CHD4: variants seen among roughly 807,000 people sequenced by gnomAD.
CHD4 encodes ATP-dependent chromatin remodeler CHD4.
CHD4 carries 35 observed loss-of-function variants against 235.5 expected under a neutral mutation model. The ratio of observed to expected loss-of-function variants is 0.15; its 90% CI spans 0.11 to 0.20. The LOEUF (loss-of-function observed/expected upper bound fraction) is 0.20. Among genes scored for constraint, CHD4 ranks in the 10% least tolerant of loss-of-function variants. The pLI, the probability that CHD4 is intolerant of heterozygous loss-of-function variation, is 1.00. For synonymous variants in CHD4, 900 were observed against 850.2 expected (o/e 1.06, Z -1.02); for missense variants, 1,329 against 2,432.3 (o/e 0.55, Z 9.54).
At position 6,582,350 on chromosome 12, in the gene CHD4, C is replaced by G. The variant is rs898591886; in HGVS notation, c.4371-69G>C. Reference sequence around the variant, plus strand: ...ACTCTTAGATTCTTTTCCATCCCTTCGTGAGGCATTATCACAGGCAATAAC... The same window carrying G: ...ACTCTTAGATTCTTTTCCATCCCTTGGTGAGGCATTATCACAGGCAATAAC... On this transcript the variant is annotated intron_variant, in intron 29 of 39. Transcript: ENST00000544040. 36 of 1,487,880 alleles carry G rather than the reference C, an allele frequency of 2.4e-5. No individual in the cohort carries two copies. In the Admixed American group the frequency reaches 7.4e-4, roughly 31 times the overall value. The allele number at this position is 1,487,880 out of a possible 1,614,324, so 92.2% of individuals were successfully genotyped here.
chr12:6,588,175 CA>C, intron 23 of CHD4, 122 bp downstream of exon 23: 2 of 1,343,070 alleles, frequency 1.5e-6, no homozygotes, highest in South Asian at 1.4e-5. Context: ...GTAAACAACA[CA>C]AAAAGAATCT....
chr12:6,578,679 A>G, intron 34 of CHD4, 133 bp from the exon 35 acceptor site: 2 of 1,454,702 alleles, frequency 1.4e-6, no homozygotes, highest in Non-Finnish European at 1.9e-6. Flanking sequence ...TCAGACCCAG[A>G]AAATGGTGCC....
At chr12:6,576,709 G>A (rs1355644246) in intron 37 of CHD4, among the ~76,000 whole-genome samples, 2 of 152,094 alleles carry the variant, frequency 1.3e-5, no homozygotes, top group Admixed American at 6.5e-5. Flanking sequence ...GGGTTCAAGC[G>A]ATTCTGGAGA....
intron 38 of CHD4, chr12:6,571,307 C>T (rs970919382): frequency 5.1e-5 from 19 of 369,912 alleles, no homozygotes; most frequent in East Asian, 3.2e-4. Flanking sequence ...TTTTTCTCTT[C>T]TCTACCTTCA....
At chr12:6,576,162 T>C (rs1296121769) in intron 37 of CHD4, among the ~76,000 whole-genome samples, 1 of 151,902 alleles carries the variant, frequency 6.6e-6, no homozygotes, top group Non-Finnish European at 1.5e-5. Flanking sequence ...ATCGAGACCA[T>C]CCTGGCCAAC....
At chr12:6,580,704 G>GAAA (rs57266458) in intron 33 of CHD4, 10 of 43,448 alleles carry the variant, frequency 2.3e-4, no homozygotes, top group South Asian at 1.4e-3. Flanking sequence ...AAACTCCTTT[G>GAAA]AAAAAAAAAA....
chr12:6,597,288 AAAAT>A (rs1054418626), intron 12 of CHD4, among the ~76,000 whole-genome samples: 6 of 151,384 alleles, frequency 4.0e-5, no homozygotes, highest in African/African-American at 1.5e-4. Context: ...CAATAATAAT[AAAAT>A]AAATAAATAA....
chr12:6,604,852 C>T (rs1345187991), intron 2 of CHD4, among the ~76,000 whole-genome samples: 1 of 152,156 alleles, frequency 6.6e-6, no homozygotes, highest in East Asian at 1.9e-4. Flanking sequence ...TGAAAGGCAG[C>T]CCCAGCCCAA....
intron 23 of CHD4, 36 bp downstream of exon 23, chr12:6,588,262 T>A (rs910608787): frequency 6.2e-7 from 1 of 1,607,714 alleles, no homozygotes; most frequent in Admixed American, 1.7e-5. Flanking sequence ...TAGCATAACA[T>A]GTTACTTATT....
intron 28 of CHD4, 34 bp downstream of exon 28, chr12:6,582,814 C>T: frequency 6.2e-7 from 1 of 1,613,976 alleles, no homozygotes; most frequent in Non-Finnish European, 8.5e-7. Context: ...CAATATCTGA[C>T]ACTCACCCCT....
At chr12:6,583,485 C>T (rs1320082873) in intron 25 of CHD4, 107 bp from the exon 26 acceptor site, 8 of 959,646 alleles carry the variant, frequency 8.3e-6, no homozygotes, top group Admixed American at 2.4e-5. Flanking sequence ...TGACTGGACT[C>T]TTAAATACTT....
chr12:6,588,181 G>T (rs553071812), intron 23 of CHD4, 117 bp downstream of exon 23: 3 of 1,354,804 alleles, frequency 2.2e-6, no homozygotes, highest in Non-Finnish European at 1.0e-6. Flanking sequence ...AACACAAAAA[G>T]AATCTGTTGT....
At chr12:6,589,171 G>A (rs1332675703) in intron 22 of CHD4, among the ~76,000 whole-genome samples, 5 of 152,022 alleles carry the variant, frequency 3.3e-5, no homozygotes, top group Non-Finnish European at 7.4e-5. Context: ...CTTGAACCCG[G>A]GAGGCAGAAG....
At chr12:6,592,112 T>A in intron 19 of CHD4, 55 bp from the exon 20 acceptor site, 1 of 1,599,600 alleles carries the variant, frequency 6.3e-7, no homozygotes, top group East Asian at 2.2e-5. Context: ...CAATGACTAA[T>A]AATGCAGTGC....
chr12:6,572,911 T>A (rs1369532766), intron 38 of CHD4, 163 bp downstream of exon 38: 1 of 636,884 alleles, frequency 1.6e-6, no homozygotes, highest in Non-Finnish European at 2.6e-6. Context: ...CTGTCCTTGA[T>A]TGCCTCTAAG....
intron 33 of CHD4, among the ~76,000 whole-genome samples, chr12:6,579,864 A>G (rs536251564): frequency 6.6e-6 from 1 of 151,434 alleles, no homozygotes; most frequent in East Asian, 2.0e-4. Context: ...AGACCATCCT[A>G]GCTAACACGG....
chr12:6,585,521 A>T (rs1432972639), intron 25 of CHD4, among the ~76,000 whole-genome samples: 2 of 151,738 alleles, frequency 1.3e-5, no homozygotes, highest in East Asian at 2.0e-4. Context: ...TGACCTCGTG[A>T]TCCACCCGCC....
intron 12 of CHD4, among the ~76,000 whole-genome samples, chr12:6,596,677 G>A (rs1436836158): frequency 1.3e-5 from 2 of 152,106 alleles, no homozygotes; most frequent in Admixed American, 6.5e-5. Flanking sequence ...GCAGGTGCCT[G>A]TAATCCCAGC....
chr12:6,595,064 G>C (rs539337218), intron 14 of CHD4, among the ~76,000 whole-genome samples: 1 of 151,918 alleles, frequency 6.6e-6, no homozygotes, highest in East Asian at 1.9e-4. Context: ...GTGCATAAAA[G>C]CTAGGCTATG....
Sources: gnomAD v4.1 joint callset for allele counts (sites outside exome capture counted in the v4.1 genomes callset) on GRCh38, gnomAD v4.1.1 for gene constraint, MANE v1.5 for transcripts, NCBI Gene and HGNC (gene_info 2026-07-23, HGNC 2026-07-21) for gene names.